The following UNC13A variants were observed in gnomAD, a reference collection of about 807,000 sequenced individuals.
The protein encoded by UNC13A is protein unc-13 homolog A.
In UNC13A, 61 loss-of-function variants were observed where a neutral mutation model predicts 219.7. The ratio of observed to expected loss-of-function variants is 0.28; its 90% CI spans 0.23 to 0.34. The LOEUF is 0.34. Ranked by LOEUF, UNC13A falls within the 10% of genes least tolerant of loss-of-function variation. UNC13A has a pLI of 1.00. For synonymous variants in UNC13A, 920 were observed against 884.6 expected, an observed-to-expected ratio of 1.04 and a Z score of -0.71; for missense variants, 1,476 against 2,270.3, an observed-to-expected ratio of 0.65 and a Z score of 7.11.
intron 1 of UNC13A, among the ~76,000 whole-genome samples, chr19:17,677,245 C>G (rs1254974770): frequency 6.6e-6 from 1 of 152,082 alleles, no homozygotes; most frequent in African/African-American, 2.4e-5. Flanking sequence ...ATTGCCAACA[C>G]CTCTCACACC....
chr19:17,639,493 G>C lies in UNC13A; in HGVS notation c.2889C>G (p.Leu963=), dbSNP rs1042029082. The change falls in exon 24 of 44, where the codon CTC becomes CTG. Residue 963 remains leucine (L), a synonymous_variant. Transcript: ENST00000519716. The stretch of plus-strand genomic sequence containing the variant: ...GGTCCACAGTGGATTTGAGGTCCTG[G>C]AGTCTCTCCGGGCTGCTGGCTGGGA... ...NNFPASSPER[L]QDLKSTVDLL... 9.3e-6 allele frequency: 15 copies of C among 1,613,428 alleles called. No homozygotes were observed. Among genetic ancestry groups the C allele is most frequent in the Non-Finnish European group, 1.0e-5 (12 of 1,179,868 alleles).
In UNC13A at chr19:17,646,059, G is replaced by A. The variant is rs1314719993; in HGVS notation, c.2097C>T (p.Pro699=). The A allele has an allele frequency of 1.2e-6, 2 of 1,613,944 alleles. No homozygotes were observed. Among genetic ancestry groups the A allele is most frequent in the South Asian group, 2.2e-5 (2 of 91,074 alleles). ...TCTTCCCGACCTGGACGGTGACATA[G>A]GGGTCACTGGATCCTGTCTTGTCCT... The part of the protein sequence containing the change: ...QAKDKTGSSD[P]YVTVQVGKTK... The change falls in exon 18 of 44, where the codon CCC becomes CCT. Residue 699 remains proline, a synonymous_variant. Transcript: ENST00000519716.
chr19:17,634,795 A>G (rs981451041), intron 26 of UNC13A, among the ~76,000 whole-genome samples: 1 of 152,098 alleles, frequency 6.6e-6, no homozygotes, highest in Non-Finnish European at 1.5e-5. Flanking sequence ...TCCTGGGTTC[A>G]AGCAATTTTC....
Position 17,686,298 on chromosome 19 carries a change from G to GCCCCC in UNC13A, c.22+1875_22+1879dup, listed in dbSNP as rs533722538. On this transcript the variant is annotated intron_variant, in intron 1 of 43. Coordinates refer to ENST00000519716, the MANE Select transcript of UNC13A (RefSeq NM_001080421.3). ...CGTCAGAGTTAAGGGTGAGATCCCC[G>GCCCCC]CCCCCCCCCCCCCCCCCCCACTCCA... Among the ~76,000 whole-genome samples the GCCCCC allele has an allele frequency of 5.5e-3, 448 of 81,708 alleles. 67 individuals are homozygous for GCCCCC. Among genetic ancestry groups the GCCCCC allele is most frequent in the East Asian group, 0.03 (17 of 572 alleles). The allele number at this position is 81,708 out of a possible 152,430, so 53.6% of individuals were successfully genotyped here.
chr19:17,670,465 G>A (rs1284255483), intron 4 of UNC13A, among the ~76,000 whole-genome samples: 2 of 150,282 alleles, frequency 1.3e-5, no homozygotes, highest in African/African-American at 4.9e-5. Flanking sequence ...CTGGTCTGCT[G>A]AGCTCAGGCA....
chr19:17,684,478 A>G (rs567134158), intron 1 of UNC13A, among the ~76,000 whole-genome samples: 1 of 152,344 alleles, frequency 6.6e-6, no homozygotes, highest in South Asian at 2.1e-4. Context: ...TTGCATAAAT[A>G]AAATAAGTGA....
At chr19:17,626,579 A>G (rs1257457749) in intron 34 of UNC13A, 54 bp downstream of exon 34, 2 of 1,480,870 alleles carry the variant, frequency 1.4e-6, no homozygotes, top group Non-Finnish European at 9.0e-7. Flanking sequence ...CTGGGTCTCT[A>G]TGGCCCTGCC....
intron 3 of UNC13A, among the ~76,000 whole-genome samples, chr19:17,673,369 A>AG (rs1185000134): frequency 6.7e-6 from 1 of 148,946 alleles, no homozygotes; most frequent in Admixed American, 6.7e-5. Flanking sequence ...AAAAAAAAAA[A>AG]AAAAGTATAT....
intron 1 of UNC13A, among the ~76,000 whole-genome samples, chr19:17,683,472 G>A (rs12974575): frequency 6.6e-6 from 1 of 151,654 alleles, no homozygotes; most frequent in Non-Finnish European, 1.5e-5. Flanking sequence ...ATTTTTAGTA[G>A]AGATGAGAAA....
chr19:17,676,098 G>A (rs1300497213), intron 1 of UNC13A, 57 bp from the exon 2 acceptor site: 8 of 1,521,476 alleles, frequency 5.3e-6, no homozygotes, highest in Admixed American at 2.0e-5. Context: ...GGGAGGAGGA[G>A]GCAGAGATAC....
At chr19:17,643,799 C>T (rs1272330816) in intron 19 of UNC13A, among the ~76,000 whole-genome samples, 1 of 152,126 alleles carries the variant, frequency 6.6e-6, no homozygotes, top group East Asian at 1.9e-4. Context: ...ACTAGCAGCC[C>T]TAGGCCCCAC....
chr19:17,670,933 T>C (rs900371994), intron 4 of UNC13A, among the ~76,000 whole-genome samples: 13 of 148,430 alleles, frequency 8.8e-5, no homozygotes, highest in Non-Finnish European at 1.8e-4. Context: ...TAAAATAAAA[T>C]AAAATAAAAT....
chr19:17,616,328 C>CCTT, intron 41 of UNC13A: 1 of 660,234 alleles, frequency 1.5e-6, no homozygotes, highest in East Asian at 2.8e-5. Flanking sequence ...GAAGGACGAT[C>CCTT]CTTTTACTAG....
In UNC13A at chr19:17,632,894, G is replaced by A. The variant is rs2076871899; in HGVS notation, c.3316C>T (p.Arg1106Cys). 2 of 1,613,988 alleles carry A rather than the reference G, an allele frequency of 1.2e-6. No homozygotes were observed. Among genetic ancestry groups the A allele is most frequent in the Non-Finnish European group, 1.7e-6 (2 of 1,179,902 alleles). Residue 1106 changes from arginine (R) to cysteine (C), a missense_variant, in exon 28 of 44, where the codon CGT becomes TGT. Coordinates refer to ENST00000519716, the MANE Select transcript of UNC13A (RefSeq NM_001080421.3). ...KYAMEEHDKH[R>C]LCKSADYMNL... is the part of the protein sequence containing the mutation. ...ATGTAGTCGGCACTCTTGCATAGAC[G>A]ATGCTTGTCGTGCTCTGGCCAGGGA...
chr19:17,652,128 ATTTATTTG>A (rs1182697419), intron 12 of UNC13A, among the ~76,000 whole-genome samples: 2 of 151,700 alleles, frequency 1.3e-5, no homozygotes, highest in African/African-American at 2.4e-5. Flanking sequence ...TTATTTATTT[ATTTATTTG>A]TTTGTTTATT....
Position 17,648,376 on chromosome 19 carries a change from A to C in UNC13A, c.1816+55T>G, listed in dbSNP as rs373265371. ...CCCTTCAGCCTTTCCCCGCCATGCA[A>C]GCCCCGGGGCTCCCCACGCCAACCC... is the stretch of plus-strand genomic sequence containing the variant. On this transcript the variant is annotated intron_variant, in intron 16 of 43. Transcript: ENST00000519716. The C allele has an allele frequency of 5.5e-5, 77 of 1,409,588 alleles. No homozygotes were observed. The African/African-American group carries it at 9.2e-4, about 17-fold the overall frequency. The allele number at this position is 1,409,588 out of a possible 1,614,324, so 87.3% of individuals were successfully genotyped here.
Position 17,601,428 on chromosome 19 carries a change from A to G in UNC13A, c.*4626T>C, listed in dbSNP as rs1305729674. 1 of 152,614 alleles carries G rather than the reference A, an allele frequency of 6.6e-6. No homozygotes were observed. Among genetic ancestry groups the G allele is most frequent in the Non-Finnish European group, 1.5e-5 (1 of 68,038 alleles). The allele number at this position is 152,614 out of a possible 1,614,324, so 9.5% of individuals were successfully genotyped here. A position where few individuals can be genotyped will look rare whatever the true frequency, so the allele number is the denominator to read the frequency against. On this transcript the variant is annotated 3_prime_UTR_variant, in exon 44 of 44. Transcript: ENST00000519716. Reference sequence around the variant, plus strand: ...GAATAGTGCAAAACATCTCAACACCATGCATTCATGACCACTTCTCGTTTG... The same window carrying G: ...GAATAGTGCAAAACATCTCAACACCGTGCATTCATGACCACTTCTCGTTTG...
At chr19:17,664,683 G>A (rs1032788973) in intron 7 of UNC13A, among the ~76,000 whole-genome samples, 1 of 152,104 alleles carries the variant, frequency 6.6e-6, no homozygotes, top group Admixed American at 6.6e-5. Context: ...ACCAAGCGGG[G>A]GTTTGTAATT....
At chr19:17,672,119 G>A (rs541602301) in intron 4 of UNC13A, among the ~76,000 whole-genome samples, 2 of 152,066 alleles carry the variant, frequency 1.3e-5, no homozygotes, top group Admixed American at 6.6e-5. Flanking sequence ...AGCACCTTTC[G>A]GTGGTTGGAA....
Sources: gnomAD v4.1 joint callset for allele counts (sites outside exome capture counted in the v4.1 genomes callset) on GRCh38, gnomAD v4.1.1 for gene constraint, MANE v1.5 for transcripts, NCBI Gene and HGNC (gene_info 2026-07-23, HGNC 2026-07-21) for gene names.